Variants in CNTRL observed in about 807,000 individuals in gnomAD.
CNTRL encodes 110 kDa centrosomal protein.
A neutral mutation model predicts 303.7 loss-of-function variants in CNTRL; 233 were observed. The observed-to-expected ratio is 0.77, with a 90% CI of 0.69 to 0.86. The LOEUF (loss-of-function observed/expected upper bound fraction) is 0.86, where lower values mean the gene tolerates loss of function less well. CNTRL is among the 40% of genes least tolerant of loss of function. The probability of loss-of-function intolerance (pLI) is 0.00; values close to 1 mark genes in which losing one functional copy is unlikely to be tolerated. For missense variants in CNTRL, 2,524 were observed against 2,650.6 expected, an observed-to-expected ratio of 0.95 and a Z score of 1.05; for synonymous variants, 900 against 922.2, an observed-to-expected ratio of 0.98 and a Z score of 0.44.
intron 20 of CNTRL, 74 bp from the exon 21 acceptor site, chr9:121,144,769 C>A (rs1342418065): frequency 6.1e-6 from 7 of 1,153,864 alleles, no homozygotes; most frequent in Non-Finnish European, 9.1e-6. Context: ...GCAGAAGAAT[C>A]AATCCAAGAG....
At position 121,146,169 on chromosome 9, in the gene CNTRL, T is replaced by A; in HGVS notation, c.3372T>A (p.Ser1124=). ...TTGCTGAACTTCGACGTGAAGTTTC[T>A]TATCAGAATGATTACATAAGCAGCA... is the stretch of plus-strand genomic sequence containing the variant. ...EEIAELRREV[S]YQNDYISSMA... Residue 1124 remains serine (S), a synonymous_variant, in exon 23 of 44, where the codon TCT becomes TCA. Coordinates refer to ENST00000373855, the MANE Select transcript of CNTRL (RefSeq NM_007018.6). The A allele has an allele frequency of 6.2e-7, 1 of 1,613,648 alleles. No homozygotes were observed. The highest frequency in any genetic ancestry group is 8.5e-7 in the Non-Finnish European group (1 of 1,179,866).
rs569469205 is a variant in CNTRL at position 121,118,493 on chromosome 9, G to T, written c.1603G>T (p.Asp535Tyr). Residue 535 changes from aspartate (D) to tyrosine (Y), a missense_variant, in exon 12 of 44, where the codon GAC becomes TAC. Asp to Tyr is a radical substitution (Grantham distance 160). Coordinates refer to ENST00000373855, the MANE Select transcript of CNTRL (RefSeq NM_007018.6). ...TGCCGGAAAGCAGAAGGAGATTAAGGACCTGCAAATAGCCATAGATAGCCT... is the reference window on the plus strand; with the variant it reads ...TGCCGGAAAGCAGAAGGAGATTAAGTACCTGCAAATAGCCATAGATAGCCT... ...EIAGKQKEIK[D>Y]LQIAIDSLDS... The T allele has an allele frequency of 6.2e-7, 1 of 1,609,396 alleles. No homozygotes were observed. Among genetic ancestry groups the T allele is most frequent in the Admixed American group, 1.7e-5 (1 of 59,748 alleles).
At position 121,157,611 on chromosome 9, in the gene CNTRL, TC is replaced by T; in HGVS notation, c.4496+14del. On this transcript the variant is annotated intron_variant, in intron 28 of 43. Transcript: ENST00000373855. Reference sequence around the variant, plus strand: ...TGATCAGCAGCTAAGGTAGGTGGATTCCCTAAGCCGTTGATGTATACATTGA... The same window carrying T: ...TGATCAGCAGCTAAGGTAGGTGGATTCCTAAGCCGTTGATGTATACATTGA... 6.2e-7 allele frequency: 1 copy of T among 1,612,794 alleles called. No homozygotes were observed.
rs773374284 is a variant in CNTRL, at chr9:121,168,125, A to C, written c.5874A>C (p.Glu1958Asp). ...MMFQRLQKERESEESKLETSK... is the reference protein window; with the variant it reads ...MMFQRLQKERDSEESKLETSK... ...TTCAGAGACTCCAGAAAGAGAGAGA[A>C]AGTGAAGAAAGCAAATTAGAAACCA... Residue 1958 changes from glutamate to aspartate, a missense_variant, in exon 38 of 44, where the codon GAA becomes GAC. Transcript: ENST00000373855. The C allele has an allele frequency of 1.2e-6, 2 of 1,613,370 alleles. No individual in the cohort carries two copies. Among genetic ancestry groups the C allele is most frequent in the African/African-American group, 2.7e-5 (2 of 74,934 alleles).
At chr9:121,149,971 C>T (rs774042364) in intron 24 of CNTRL, among the ~76,000 whole-genome samples, 199 bp from the exon 25 acceptor site, 24 of 152,160 alleles carry the variant, frequency 1.6e-4, no homozygotes, top group Non-Finnish European at 3.2e-4. Flanking sequence ...ACTCAAGTAT[C>T]AGCCATAGAA....
In CNTRL at chr9:121,075,031, C is replaced by T. The variant is rs1219338350; in HGVS notation, c.-241C>T. The T allele has an allele frequency of 1.6e-5, 7 of 450,364 alleles. No homozygotes were observed. Among genetic ancestry groups the T allele is most frequent in the Non-Finnish European group, 2.7e-5 (6 of 223,124 alleles). The allele number at this position is 450,364 out of a possible 1,614,324, so 27.9% of individuals were successfully genotyped here. ...AGAGCCCGAACTTCTCCCGCTCTACCTCAGCCTGCGGGACTGCTCGGCTCG... is the reference window on the plus strand; with the variant it reads ...AGAGCCCGAACTTCTCCCGCTCTACTTCAGCCTGCGGGACTGCTCGGCTCG... On this transcript the variant is annotated 5_prime_UTR_variant, in exon 1 of 44. Transcript: ENST00000373855.
At chr9:121,130,740 A>G (rs1415988162) in intron 14 of CNTRL, among the ~76,000 whole-genome samples, 2 of 152,172 alleles carry the variant, frequency 1.3e-5, no homozygotes, top group Admixed American at 1.3e-4. Context: ...TTGATTTTAG[A>G]TCTTTCCTGC....
At chr9:121,086,550 A>C (rs1429094517) in intron 2 of CNTRL, among the ~76,000 whole-genome samples, 1 of 152,022 alleles carries the variant, frequency 6.6e-6, no homozygotes, top group Non-Finnish European at 1.5e-5. Context: ...ACAGAGGTGA[A>C]TCTAGAGCAA....
At chr9:121,136,432 C>A (rs2051198563) in intron 15 of CNTRL, among the ~76,000 whole-genome samples, 1 of 152,084 alleles carries the variant, frequency 6.6e-6, no homozygotes, top group Non-Finnish European at 1.5e-5. Flanking sequence ...GCCTCAGCCT[C>A]CTGAGTAGCT....
Position 121,107,237 on chromosome 9 carries a change from T to A in CNTRL, c.809-565T>A, listed in dbSNP as rs1998505. On this transcript the variant is annotated intron_variant, in intron 7 of 43. Transcript: ENST00000373855. ...TAGAGGAAGACAGTTCTAGGGAAAG[T>A]GTGTGAATAAAAGCCTATAGGTGAG... Among the ~76,000 whole-genome samples the A allele has an allele frequency of 2.6e-5, 4 of 151,866 alleles. No homozygotes were observed. The South Asian group carries it at 8.3e-4, about 32-fold the overall frequency.
At chr9:121,174,223 T>G (rs944114315) in intron 42 of CNTRL, among the ~76,000 whole-genome samples, 11 of 152,044 alleles carry the variant, frequency 7.2e-5, no homozygotes, top group Non-Finnish European at 8.8e-5. Context: ...TACTGATCAG[T>G]GTTGACCTAA....
intron 40 of CNTRL, 21 bp from the exon 41 acceptor site, chr9:121,173,222 T>A (rs1394215719): frequency 6.3e-7 from 1 of 1,587,570 alleles, no homozygotes. Context: ...CAATGATATT[T>A]GACACCAACT....
intron 14 of CNTRL, 130 bp downstream of exon 14, chr9:121,126,066 C>T: frequency 5.9e-6 from 4 of 674,930 alleles, no homozygotes; most frequent in African/African-American, 3.6e-5. Flanking sequence ...TGATTTTTTT[C>T]TTTTAACAGT....
chr9:121,103,891 G>A (rs1588114213), intron 7 of CNTRL, among the ~76,000 whole-genome samples: 1 of 152,232 alleles, frequency 6.6e-6, no homozygotes, highest in Non-Finnish European at 1.5e-5. Context: ...TGCTGGAGAG[G>A]ATGTGGAGAA....
In CNTRL at chr9:121,154,883, TGA is replaced by T. The variant is rs1191612846; in HGVS notation, c.4339_4340del (p.Ser1447Ter). On this transcript the variant is annotated frameshift_variant, in exon 27 of 44. Coordinates refer to ENST00000373855, the MANE Select transcript of CNTRL (RefSeq NM_007018.6). LOFTEE classifies it high-confidence loss of function. ...READRLLAEA[E>X]SELSCTKEKT... ...AAGCTGACCGACTCCTGGCAGAGGC[TGA>T]GAGTGAACTTTCATGCACTAAAGAA... 6.8e-6 allele frequency: 11 copies of T among 1,614,062 alleles called. No individual in the cohort carries two copies. The South Asian group carries it at 8.8e-5, about 13-fold the overall frequency.
intron 43 of CNTRL, 76 bp downstream of exon 43, chr9:121,175,300 C>T: frequency 7.4e-7 from 1 of 1,359,820 alleles, no homozygotes; most frequent in Non-Finnish European, 1.0e-6. Context: ...AAGGTCTTGC[C>T]CTACCGCCCA....
chr9:121,082,615 G>A (rs535349902), intron 2 of CNTRL, among the ~76,000 whole-genome samples: 1 of 152,306 alleles, frequency 6.6e-6, no homozygotes, highest in South Asian at 2.1e-4. Context: ...AACCTGTACA[G>A]CATGTTACTG....
Position 121,141,460 on chromosome 9 carries a change from A to G in CNTRL, c.2563A>G (p.Lys855Glu), listed in dbSNP as rs1206815584. 1.9e-6 allele frequency: 3 copies of G among 1,614,066 alleles called. No homozygotes were observed. Among genetic ancestry groups the G allele is most frequent in the Admixed American group, 1.7e-5 (1 of 60,012 alleles). Reference protein sequence around the residue: ...KQFSEILARSKWERDEAQVRE... With the variant: ...KQFSEILARSEWERDEAQVRE... ...ATTCAGTGAAATTCTTGCACGCTCCAAGTGGGAAAGAGATGAAGCACAAGT... is the reference window on the plus strand; with the variant it reads ...ATTCAGTGAAATTCTTGCACGCTCCGAGTGGGAAAGAGATGAAGCACAAGT... Residue 855 changes from lysine to glutamate, a missense_variant, in exon 18 of 44, where the codon AAG (lysine) becomes GAG (glutamate). Coordinates refer to ENST00000373855, the MANE Select transcript of CNTRL (RefSeq NM_007018.6).
chr9:121,158,077 A>G lies in CNTRL; in HGVS notation c.4732A>G (p.Lys1578Glu), dbSNP rs563743172. Reference sequence around the variant, plus strand: ...AGAATCTGAGGTGCTTCTTCAGGCCAAAAGAGCCGAGCTGGAAAAGCTGAA... The same window carrying G: ...AGAATCTGAGGTGCTTCTTCAGGCCGAAAGAGCCGAGCTGGAAAAGCTGAA... ...LKESEVLLQA[K>E]RAELEKLKSQ... Residue 1578 changes from lysine to glutamate, a missense_variant, in exon 30 of 44, where the codon AAA becomes GAA. Coordinates refer to ENST00000373855, the MANE Select transcript of CNTRL (RefSeq NM_007018.6). 1 of 1,614,174 alleles carries G rather than the reference A, an allele frequency of 6.2e-7. No homozygotes were observed. The highest frequency in any genetic ancestry group is 2.2e-5 in the East Asian group (1 of 44,878).
Sources: allele counts gnomAD v4.1 joint callset (sites outside exome capture counted in the v4.1 genomes callset), GRCh38; gene constraint gnomAD v4.1.1; transcripts MANE v1.5; gene names NCBI Gene and HGNC (gene_info 2026-07-23, HGNC 2026-07-21).